DIAPH2: variants seen among roughly 807,000 people sequenced by gnomAD.
The protein encoded by DIAPH2 is protein diaphanous homolog 2.
Under a neutral mutation model 92.7 loss-of-function variants are expected in DIAPH2, and 35 were observed. The ratio of observed to expected loss-of-function variants is 0.38; its 90% CI spans 0.29 to 0.50. DIAPH2 has a LOEUF of 0.50. DIAPH2 is among the 20% of genes least tolerant of loss of function. The probability of loss-of-function intolerance (pLI) is 0.94; values close to 1 mark genes in which losing one functional copy is unlikely to be tolerated. For missense variants in DIAPH2, 701 were observed against 819.5 expected (o/e 0.86, Z 1.77); for synonymous variants, 301 against 280.4 (o/e 1.07, Z -0.73).
intron 23 of DIAPH2, among the ~76,000 whole-genome samples, chrX:97,287,555 C>A (rs1310825492): frequency 9.2e-6 from 1 of 109,252 alleles, no homozygotes; most frequent in African/African-American, 3.3e-5. Context: ...CATTTATGTA[C>A]TTTGTAGTGA....
At chrX:97,402,816 G>A (rs930246281) in intron 25 of DIAPH2, among the ~76,000 whole-genome samples, 1 of 111,847 alleles carries the variant, frequency 8.9e-6, no homozygotes, top group Admixed American at 9.5e-5. Context: ...AAGTAAAATC[G>A]CATTAAGAAA....
rs201217520 is a variant in DIAPH2, at chrX:96,758,196, A to G, written c.385A>G (p.Asn129Asp). The change falls in exon 4 of 27, where the codon AAC (asparagine) becomes GAC (aspartate). Residue 129 changes from asparagine (N) to aspartate (D), a missense_variant. Around this residue, in one of 3 missense-constraint regions of DIAPH2, gnomAD observed 131 missense variants for 145.6 expected, o/e 0.90. Coordinates refer to ENST00000324765, the MANE Select transcript of DIAPH2 (RefSeq NM_006729.5). ...LNEEKKAPLRNKDFTTKREMV... is the reference protein window; with the variant it reads ...LNEEKKAPLRDKDFTTKREMV... ...CGAAGAGAAAAAAGCTCCTTTACGA[A>G]ACAAAGACTTTACCACCAAACGTGA... The G allele has an allele frequency of 4.1e-6, 5 of 1,207,314 alleles. No individual in the cohort carries two copies. Among genetic ancestry groups the G allele is most frequent in the Non-Finnish European group, 3.4e-6 (3 of 893,726 alleles).
At chrX:97,274,632 TG>T (rs201758078) in intron 23 of DIAPH2, among the ~76,000 whole-genome samples, 1 of 109,944 alleles carries the variant, frequency 9.1e-6, no homozygotes, top group East Asian at 2.9e-4. Context: ...GTTTTTTTTT[TG>T]TTTTTTTTTT....
In DIAPH2 at chrX:97,432,632, G is replaced by T. The variant is rs77997662; in HGVS notation, c.3241+2887G>T. ...CTCCCGAGTATCTGGGACTACAGGT[G>T]CCCGCCACCACGTCCAGCTAGTTTT... is the stretch of plus-strand genomic sequence containing the variant. On this transcript the variant is annotated intron_variant, in intron 26 of 26. Coordinates refer to ENST00000324765, the MANE Select transcript of DIAPH2 (RefSeq NM_006729.5). Among the ~76,000 whole-genome samples the T allele has an allele frequency of 7.2e-5, 8 of 111,584 alleles. No individual in the cohort carries two copies. In the East Asian group the frequency reaches 2.2e-3, roughly 31 times the overall value.
rs541681495 is a variant in DIAPH2, at chrX:96,807,944, C to CAAAAAAAAAAAAAAAAAA, written c.447+49708_447+49725dup. On this transcript the variant is annotated intron_variant, in intron 4 of 26. Coordinates refer to ENST00000324765, the MANE Select transcript of DIAPH2 (RefSeq NM_006729.5). ...GTGAGATTTGGTATTGTAGAAATAGCAAAAAAAAAAAAAAAAAAAAAAAAA... is the reference window on the plus strand; with the variant it reads ...GTGAGATTTGGTATTGTAGAAATAGCAAAAAAAAAAAAAAAAAAAAAAAAAAAAAAAAAAAAAAAAAAA... Among the ~76,000 whole-genome samples the CAAAAAAAAAAAAAAAAAA allele has an allele frequency of 2.1e-4, 3 of 14,473 alleles. 1 individual carries two copies. The highest frequency in any genetic ancestry group is 2.4e-4 in the Non-Finnish European group (2 of 8,260). 12.6% of individuals were successfully genotyped at this position (14,473 alleles called of 115,157 possible). A position where few individuals can be genotyped will look rare whatever the true frequency, so the allele number is the denominator to read the frequency against.
intron 26 of DIAPH2, among the ~76,000 whole-genome samples, chrX:97,438,338 G>GTTTT (rs745882169): frequency 6.0e-4 from 32 of 53,577 alleles, no homozygotes; most frequent in Non-Finnish European, 7.2e-4. Context: ...GCAGCTTCTT[G>GTTTT]TTTTTTTTTT....
intron 25 of DIAPH2, among the ~76,000 whole-genome samples, chrX:97,390,289 G>C (rs2069646017): frequency 2.5e-5 from 2 of 80,115 alleles, no homozygotes; most frequent in South Asian, 1.8e-3. Flanking sequence ...GCGCAGTCTT[G>C]TCTCGCTACA....
chrX:97,338,030 G>A (rs943590003), intron 23 of DIAPH2, among the ~76,000 whole-genome samples: 25 of 109,469 alleles, frequency 2.3e-4, no homozygotes, highest in African/African-American at 8.3e-4. Flanking sequence ...GCGCCACCAC[G>A]CCTGGCTAAT....
At chrX:97,488,396 AT>A (rs1010668200) in intron 26 of DIAPH2, among the ~76,000 whole-genome samples, 1 of 111,869 alleles carries the variant, frequency 8.9e-6, no homozygotes, top group African/African-American at 3.2e-5. Context: ...ATTTTCTCTC[AT>A]TTTTGTAAAT....
intron 25 of DIAPH2, among the ~76,000 whole-genome samples, chrX:97,424,061 A>T (rs1409142865): frequency 8.9e-6 from 1 of 111,999 alleles, no homozygotes; most frequent in Non-Finnish European, 1.9e-5. Flanking sequence ...CTTTCAAAGG[A>T]TCATGTTGAC....
intron 19 of DIAPH2, among the ~76,000 whole-genome samples, chrX:97,098,551 AG>A (rs1284742315): frequency 2.7e-5 from 3 of 112,722 alleles, no homozygotes; most frequent in African/African-American, 9.7e-5. Context: ...CTTTATGACT[AG>A]TAGCTGGGAT....
intron 23 of DIAPH2, among the ~76,000 whole-genome samples, chrX:97,325,670 C>T (rs1005643339): frequency 2.7e-5 from 3 of 109,536 alleles, no homozygotes; most frequent in East Asian, 5.7e-4. Flanking sequence ...CTCCGCGTCC[C>T]GGGTTCACAC....
chrX:96,831,668 C>T lies in DIAPH2; in HGVS notation c.448-49911C>T, dbSNP rs759312783. On this transcript the variant is annotated intron_variant, in intron 4 of 26. Transcript: ENST00000324765. Reference sequence around the variant, plus strand: ...TTCATTTAAAAGAATATTATGAAACCATCTCAGTGAATGAGGTAGATCTGT... The same window carrying T: ...TTCATTTAAAAGAATATTATGAAACTATCTCAGTGAATGAGGTAGATCTGT... Among the ~76,000 whole-genome samples, 5 of 111,946 alleles carry T rather than the reference C, an allele frequency of 4.5e-5. No individual in the cohort carries two copies. The South Asian group carries it at 1.9e-3, about 42-fold the overall frequency.
At chrX:97,522,317 G>C (rs1232509432) in intron 26 of DIAPH2, among the ~76,000 whole-genome samples, 1 of 111,639 alleles carries the variant, frequency 9.0e-6, no homozygotes, top group Non-Finnish European at 1.9e-5. Context: ...CTATCAGTTT[G>C]TTTATTTTTT....
chrX:97,476,995 A>G (rs1282040432), intron 26 of DIAPH2, among the ~76,000 whole-genome samples: 2 of 88,502 alleles, frequency 2.3e-5, no homozygotes, highest in African/African-American at 9.0e-5. Context: ...ACACACACAC[A>G]CACACACACA....
rs768480105 is a variant in DIAPH2, at chrX:97,161,035, T to C, written c.2719+19241T>C. Among the ~76,000 whole-genome samples the C allele has an allele frequency of 5.9e-3, 613 of 103,156 alleles. 4 individuals carry two copies. Among genetic ancestry groups the C allele is most frequent in the Middle Eastern group, 0.011 (2 of 185 alleles). 89.6% of individuals were successfully genotyped at this position (103,156 alleles called of 115,157 possible). A position where few individuals can be genotyped will look rare whatever the true frequency, so the allele number is the denominator to read the frequency against. On this transcript the variant is annotated intron_variant, in intron 22 of 26. Coordinates refer to ENST00000324765, the MANE Select transcript of DIAPH2 (RefSeq NM_006729.5). ...ACCACATTTTTCCCTTTAAGGTTTT[T>C]GTTTTTTGTTTTTTTGTTTTTTTTT... is the stretch of plus-strand genomic sequence containing the variant.
chrX:97,376,455 G>T (rs1029964941), intron 24 of DIAPH2, among the ~76,000 whole-genome samples: 5 of 111,844 alleles, frequency 4.5e-5, no homozygotes, highest in South Asian at 3.7e-4. Context: ...ATATCAAAAA[G>T]AATTCTTCTT....
At chrX:97,239,127 A>G (rs1394857976) in intron 22 of DIAPH2, among the ~76,000 whole-genome samples, 4 of 112,111 alleles carry the variant, frequency 3.6e-5, no homozygotes, top group African/African-American at 1.3e-4. Context: ...ATAGAATTAC[A>G]CATTCTTAAT....
At chrX:97,429,844 C>T (rs2147777228) in intron 26 of DIAPH2, 99 bp downstream of exon 26, 1 of 825,168 alleles carries the variant, frequency 1.2e-6, no homozygotes, top group South Asian at 3.2e-5. Context: ...AATACTTCCT[C>T]ATGAAGACTT....
Sources: gnomAD v4.1 joint callset for allele counts (sites outside exome capture counted in the v4.1 genomes callset) on GRCh38, gnomAD v4.1.1 for gene constraint, gnomAD v4.1.1 regional missense constraint, MANE v1.5 for transcripts, NCBI Gene and HGNC (gene_info 2026-07-23, HGNC 2026-07-21) for gene names.